ATP6V0D1: variants seen among roughly 807,000 people sequenced by gnomAD.
ATP6V0D1 encodes the protein ATPase H+ transporting V0 subunit d1, also known as V-type proton ATPase subunit d 1.
A neutral mutation model predicts 39.0 loss-of-function variants in ATP6V0D1; 13 were observed. That is an observed-to-expected ratio of 0.33 (90% CI 0.22 to 0.53). The LOEUF is 0.53. ATP6V0D1 is among the 20% of genes least tolerant of loss of function. The pLI is 0.94. For missense variants in ATP6V0D1, 272 were observed against 470.9 expected (o/e 0.58, Z 3.91); for synonymous variants, 191 against 191.2 (o/e 1.00, Z 0.01).
chr16:67,445,936 G>C (rs756848458), intron 2 of ATP6V0D1: 11 of 455,870 alleles, frequency 2.4e-5, no homozygotes, highest in South Asian at 1.7e-4. Context: ...GAGGCCTAGG[G>C]GAAATTCCTC....
intron 2 of ATP6V0D1, among the ~76,000 whole-genome samples, chr16:67,445,413 T>C (rs2041104209): frequency 6.6e-6 from 1 of 152,004 alleles, no homozygotes; most frequent in African/African-American, 2.4e-5. Flanking sequence ...GAGGAAAGGC[T>C]GAGGAGTGGA....
chr16:67,441,705 A>T (rs2041054518), intron 4 of ATP6V0D1: 1 of 152,248 alleles, frequency 6.6e-6, no homozygotes, highest in African/African-American at 2.4e-5. Context: ...GTGACTTATT[A>T]TGTGGCTTTA....
intron 1 of ATP6V0D1, among the ~76,000 whole-genome samples, chr16:67,477,463 T>C (rs1233902962): frequency 6.6e-6 from 1 of 152,180 alleles, no homozygotes; most frequent in African/African-American, 2.4e-5. Context: ...TCAGAGATGC[T>C]GAAATATTTA....
intron 1 of ATP6V0D1, among the ~76,000 whole-genome samples, chr16:67,458,550 C>T (rs888857018): frequency 6.6e-6 from 1 of 152,180 alleles, no homozygotes; most frequent in Admixed American, 6.5e-5. Flanking sequence ...AGCACAGACT[C>T]GGGGGACCGC....
chr16:67,468,619 G>GGAAA (rs1381902841), intron 1 of ATP6V0D1, among the ~76,000 whole-genome samples: 2 of 151,240 alleles, frequency 1.3e-5, no homozygotes, highest in East Asian at 1.9e-4. Flanking sequence ...AAAGAAGGAA[G>GGAAA]GAAAGAAAGA....
chr16:67,466,331 AC>A (rs1207002719), intron 1 of ATP6V0D1, among the ~76,000 whole-genome samples: 31 of 28,910 alleles, frequency 1.1e-3, no homozygotes, highest in Non-Finnish European at 2.4e-3. Flanking sequence ...ACACATACAC[AC>A]ACACACACAC....
At chr16:67,460,226 CCAATGCTACAA>C (rs1336362946) in intron 1 of ATP6V0D1, among the ~76,000 whole-genome samples, 1 of 152,172 alleles carries the variant, frequency 6.6e-6, no homozygotes, top group East Asian at 1.9e-4. Context: ...GGCTCTACCT[CCAATGCTACAA>C]CTTCTACTGG....
At chr16:67,462,778 A>G (rs2041298644) in intron 1 of ATP6V0D1, among the ~76,000 whole-genome samples, 1 of 151,446 alleles carries the variant, frequency 6.6e-6, no homozygotes, top group African/African-American at 2.4e-5. Context: ...CAGTGAGCCA[A>G]GATCATGCCA....
At chr16:67,458,396 G>A (rs1344577822) in intron 1 of ATP6V0D1, among the ~76,000 whole-genome samples, 1 of 152,200 alleles carries the variant, frequency 6.6e-6, no homozygotes, top group Non-Finnish European at 1.5e-5. Flanking sequence ...AGCCTCTGAG[G>A]GCAGCCAAGG....
chr16:67,479,000 T>C (rs960715247), intron 1 of ATP6V0D1, among the ~76,000 whole-genome samples: 1 of 152,088 alleles, frequency 6.6e-6, no homozygotes, highest in Non-Finnish European at 1.5e-5. Context: ...AAAACTCACA[T>C]TAAGCTCCAA....
chr16:67,477,025 T>TAAAAA (rs199765066), intron 1 of ATP6V0D1, among the ~76,000 whole-genome samples: 9 of 40,172 alleles, frequency 2.2e-4, no homozygotes, highest in Admixed American at 3.3e-4. Context: ...TGTCTCAAAT[T>TAAAAA]AAAAAAAAAA....
At chr16:67,457,700 CAG>C in intron 1 of ATP6V0D1, 1 of 1,241,706 alleles carries the variant, frequency 8.1e-7, no homozygotes, top group Non-Finnish European at 1.1e-6. Flanking sequence ...CAAAGCCAAG[CAG>C]AGGGCTCTCT....
intron 1 of ATP6V0D1, among the ~76,000 whole-genome samples, chr16:67,472,891 G>A (rs2041385423): frequency 6.6e-6 from 1 of 151,966 alleles, no homozygotes. Flanking sequence ...TATATTTCCA[G>A]GCAAGAGCAT....
rs1341438092 is a variant in ATP6V0D1, at chr16:67,444,707, C to G, written c.303-1G>C. On this transcript the variant is annotated splice_acceptor_variant, in intron 2 of 7. Transcript: ENST00000290949. LOFTEE classifies it high-confidence loss of function. The surrounding 1 kb of genome is among the most constrained non-coding windows in gnomAD (Gnocchi z 4.8). ...CACGTTGTCGATCATGTAACTGTAA[C>G]TACAGGGGGCAGGCAATAGCAAGGA... The G allele has an allele frequency of 6.3e-7, 1 of 1,589,162 alleles. No homozygotes were observed. Among genetic ancestry groups the G allele is most frequent in the Non-Finnish European group, 8.6e-7 (1 of 1,163,204 alleles).
intron 1 of ATP6V0D1, among the ~76,000 whole-genome samples, chr16:67,466,048 C>G (rs575591914): frequency 6.6e-6 from 1 of 152,264 alleles, no homozygotes; most frequent in Admixed American, 6.5e-5. Flanking sequence ...GAAGAGGGTA[C>G]GCCAGCTCCA....
intron 1 of ATP6V0D1, among the ~76,000 whole-genome samples, chr16:67,472,984 A>G (rs1188028334): frequency 6.6e-6 from 1 of 152,144 alleles, no homozygotes; most frequent in East Asian, 1.9e-4. Context: ...ATTTTTTACC[A>G]TAACTTTCAT....
In ATP6V0D1 at chr16:67,479,272, G is replaced by C. The variant is rs150432454; in HGVS notation, c.130+1685C>G. ...GTTGTTGCCCAGGCTGGAGTGCAGT[G>C]GTGCAGTCTTGGCTCACTGCAACCT... On this transcript the variant is annotated intron_variant, in intron 1 of 7. Coordinates refer to ENST00000290949, the MANE Select transcript of ATP6V0D1 (RefSeq NM_004691.5). 3.3e-4 allele frequency among the ~76,000 whole-genome samples: 49 copies of C among 149,790 alleles called. No individual in the cohort carries two copies. In the East Asian group the frequency reaches 9.4e-3, roughly 29 times the overall value.
Position 67,453,695 on chromosome 16 carries a change from T to G in ATP6V0D1, c.151A>C (p.Ser51Arg), listed in dbSNP as rs2041207375. 4 of 1,613,872 alleles carry G rather than the reference T, an allele frequency of 2.5e-6. No homozygotes were observed. Among genetic ancestry groups the G allele is most frequent in the Non-Finnish European group, 3.4e-6 (4 of 1,179,990 alleles). Residue 51 changes from serine (S) to arginine (R), a missense_variant, in exon 2 of 8, where the codon AGC becomes CGC. Physicochemically the swap from Ser to Arg is moderately radical, Grantham distance 110 (BLOSUM62 -1). Transcript: ENST00000290949. This position sits in a 1 kb window ranked among gnomAD's most constrained non-coding sequence, Gnocchi z 4.1. ...GCCAGGAAGTTACCATAATCAGTGC[T>G]CTGCAGATGCAGTTTCAAGTCTGAA... ...TLEDLKLHLQ[S>R]TDYGNFLANE...
intron 4 of ATP6V0D1, among the ~76,000 whole-genome samples, chr16:67,441,994 C>T (rs1255997099): frequency 6.6e-6 from 1 of 152,264 alleles, no homozygotes; most frequent in Non-Finnish European, 1.5e-5. Flanking sequence ...TGATCCCATG[C>T]CTGCCTTTTC....
Sources: gnomAD v4.1 joint callset for allele counts (sites outside exome capture counted in the v4.1 genomes callset) on GRCh38, gnomAD v4.1.1 for gene constraint, Gnocchi (gnomAD v3.1) non-coding constraint, MANE v1.5 for transcripts, NCBI Gene and HGNC (gene_info 2026-07-23, HGNC 2026-07-21) for gene names.